Variants in SLC10A7 observed in about 807,000 individuals in gnomAD.
The protein encoded by SLC10A7 is sodium/bile acid cotransporter 7.
Under a neutral mutation model 43.2 loss-of-function variants are expected in SLC10A7, and 29 were observed. The observed-to-expected ratio is 0.67, with a 90% CI of 0.50 to 0.92. The LOEUF is 0.92. Ranked by LOEUF, SLC10A7 falls within the 40% of genes least tolerant of loss-of-function variation. SLC10A7 has a pLI of 0.00. For missense variants in SLC10A7, 295 were observed against 403.2 expected (o/e 0.73, Z 2.30); for synonymous variants, 152 against 144.8 (o/e 1.05, Z -0.35).
chr4:146,395,465 C>T (rs1169543620), intron 5 of SLC10A7, among the ~76,000 whole-genome samples: 1 of 152,136 alleles, frequency 6.6e-6, no homozygotes, highest in Non-Finnish European at 1.5e-5. Flanking sequence ...TACATGGCTT[C>T]CTTTTTAAAG....
intron 9 of SLC10A7, among the ~76,000 whole-genome samples, chr4:146,292,576 A>G (rs1216233846): frequency 1.3e-5 from 2 of 152,236 alleles, no homozygotes; most frequent in Admixed American, 1.3e-4. Context: ...AAGACAGTCA[A>G]GTAAAGATAT....
At chr4:146,405,292 C>T (rs935828990) in intron 5 of SLC10A7, among the ~76,000 whole-genome samples, 3 of 152,042 alleles carry the variant, frequency 2.0e-5, no homozygotes, top group Admixed American at 2.0e-4. Context: ...CTTTCTAGGC[C>T]AAAGAGTCCT....
At chr4:146,449,825 C>T (rs1731430324) in intron 4 of SLC10A7, among the ~76,000 whole-genome samples, 2 of 152,088 alleles carry the variant, frequency 1.3e-5, no homozygotes, top group Non-Finnish European at 2.9e-5. Context: ...TTTGGCCTCA[C>T]TTGGGAAAGA....
intron 5 of SLC10A7, among the ~76,000 whole-genome samples, chr4:146,382,115 C>A (rs1421416389): frequency 6.6e-6 from 1 of 151,930 alleles, no homozygotes; most frequent in Non-Finnish European, 1.5e-5. Flanking sequence ...TATATTTTTA[C>A]CTCTGTAAAT....
intron 3 of SLC10A7, among the ~76,000 whole-genome samples, chr4:146,504,223 A>G (rs1275705394): frequency 6.6e-6 from 1 of 152,120 alleles, no homozygotes; most frequent in Non-Finnish European, 1.5e-5. Flanking sequence ...CAGTCATTGA[A>G]AGATAACCAA....
intron 9 of SLC10A7, among the ~76,000 whole-genome samples, chr4:146,285,283 G>C (rs1012945476): frequency 6.6e-6 from 1 of 152,314 alleles, no homozygotes; most frequent in Non-Finnish European, 1.5e-5. Context: ...AAGATGGTGA[G>C]GCTGGGCAGG....
chr4:146,485,189 G>A (rs758476824), intron 4 of SLC10A7, among the ~76,000 whole-genome samples: 4 of 152,152 alleles, frequency 2.6e-5, no homozygotes, highest in East Asian at 1.9e-4. Context: ...TCACACAGGC[G>A]GGAATTAAAG....
In SLC10A7 at chr4:146,306,028, G is replaced by C; in HGVS notation, c.472-19C>G. 1.9e-6 allele frequency: 3 copies of C among 1,576,230 alleles called. No individual in the cohort carries two copies. The highest frequency in any genetic ancestry group is 2.6e-6 in the Non-Finnish European group (3 of 1,159,346). On this transcript the variant is annotated intron_variant, in intron 6 of 11. Transcript: ENST00000335472. ...AACCAAGCTGTAAAACAAGAAAATA[G>C]GAGTTAGAATTACTTCAAATCAGTT... is the stretch of plus-strand genomic sequence containing the variant.
At chr4:146,444,526 G>A (rs1017992094) in intron 4 of SLC10A7, among the ~76,000 whole-genome samples, 1 of 152,122 alleles carries the variant, frequency 6.6e-6, no homozygotes, top group African/African-American at 2.4e-5. Flanking sequence ...ATAACTATAT[G>A]AGTATATAAC....
chr4:146,483,553 GA>G (rs1168506906), intron 4 of SLC10A7, among the ~76,000 whole-genome samples: 1 of 151,922 alleles, frequency 6.6e-6, no homozygotes, highest in Admixed American at 6.6e-5. Flanking sequence ...AAGAGAGGAA[GA>G]AAGGAATAAA....
At chr4:146,430,291 T>C (rs1729682487) in intron 5 of SLC10A7, among the ~76,000 whole-genome samples, 1 of 152,138 alleles carries the variant, frequency 6.6e-6, no homozygotes, top group Non-Finnish European at 1.5e-5. Context: ...TAAGAGCCAC[T>C]ATAGACATTA....
At chr4:146,458,160 A>G (rs1236874966) in intron 4 of SLC10A7, among the ~76,000 whole-genome samples, 1 of 151,864 alleles carries the variant, frequency 6.6e-6, no homozygotes, top group Non-Finnish European at 1.5e-5. Context: ...AGGAATGCAA[A>G]GTTGGCATAA....
chr4:146,346,798 C>T (rs1280683450), intron 5 of SLC10A7, among the ~76,000 whole-genome samples: 1 of 151,954 alleles, frequency 6.6e-6, no homozygotes, highest in Non-Finnish European at 1.5e-5. Flanking sequence ...TCATCTAAAA[C>T]CTAGCAAGCC....
chr4:146,310,751 T>C (rs781357313), intron 6 of SLC10A7, among the ~76,000 whole-genome samples: 14 of 152,026 alleles, frequency 9.2e-5, no homozygotes, highest in Non-Finnish European at 1.8e-4. Flanking sequence ...ACAGAACAGT[T>C]AAACAACCTG....
intron 4 of SLC10A7, among the ~76,000 whole-genome samples, chr4:146,447,624 C>T (rs537269150): frequency 6.6e-6 from 1 of 151,644 alleles, no homozygotes; most frequent in South Asian, 2.1e-4. Flanking sequence ...AAAATGTATA[C>T]CTTGGAGTAA....
At chr4:146,283,131 A>G (rs1560759987) in intron 10 of SLC10A7, 61 bp downstream of exon 10, 1 of 1,298,772 alleles carries the variant, frequency 7.7e-7, no homozygotes, top group East Asian at 2.3e-5. Flanking sequence ...TTGAATATCA[A>G]AGTCATAAGA....
chr4:146,336,182 A>G (rs1334521666), intron 5 of SLC10A7, among the ~76,000 whole-genome samples: 1 of 152,160 alleles, frequency 6.6e-6, no homozygotes, highest in African/African-American at 2.4e-5. Flanking sequence ...TTGTACCTGG[A>G]AAGCAGCCAA....
intron 7 of SLC10A7, among the ~76,000 whole-genome samples, chr4:146,295,456 G>C (rs1730717245): frequency 6.6e-6 from 1 of 152,122 alleles, no homozygotes; most frequent in Admixed American, 6.5e-5. Context: ...GTGTAGAAGT[G>C]ATCCCAAACC....
At chr4:146,292,207 G>A (rs944799788) in intron 9 of SLC10A7, among the ~76,000 whole-genome samples, 1 of 152,262 alleles carries the variant, frequency 6.6e-6, no homozygotes, top group East Asian at 1.9e-4. Flanking sequence ...TATAGGCACT[G>A]GATAACCATT....
Sources: allele counts gnomAD v4.1 joint callset (sites outside exome capture counted in the v4.1 genomes callset), GRCh38; gene constraint gnomAD v4.1.1; transcripts MANE v1.5; gene names NCBI Gene and HGNC (gene_info 2026-07-23, HGNC 2026-07-21).